PCDHGA4: variants seen among roughly 807,000 people sequenced by gnomAD.
The protein encoded by PCDHGA4 is protocadherin gamma subfamily A, 4.
PCDHGA4 carries 38 observed loss-of-function variants against 54.6 expected under a neutral mutation model. The observed-to-expected ratio is 0.70, with a 90% CI of 0.54 to 0.91. The LOEUF (loss-of-function observed/expected upper bound fraction) is 0.91. PCDHGA4 is among the 40% of genes least tolerant of loss of function. The pLI is 0.00. For missense variants in PCDHGA4, 1,298 were observed against 1,220.9 expected, an observed-to-expected ratio of 1.06 and a Z score of -0.94; for synonymous variants, 511 against 512.9, an observed-to-expected ratio of 1.00 and a Z score of 0.05.
In PCDHGA4 at chr5:141,430,673, C is replaced by T. The variant is rs183365013; in HGVS notation, c.2515-64134C>T. 1.5e-4 allele frequency: 198 copies of T among 1,288,318 alleles called. 2 individuals are homozygous for T. In the African/African-American group the frequency reaches 2.8e-3, roughly 18 times the overall value. The allele number at this position is 1,288,318 out of a possible 1,614,324, so 79.8% of individuals were successfully genotyped here. On this transcript the variant is annotated intron_variant, in intron 1 of 3. Coordinates refer to ENST00000571252, the MANE Select transcript of PCDHGA4 (RefSeq NM_018917.4). Reference sequence around the variant, plus strand: ...AAACAACGGAGGAGCTCTGACTTCCCAACTGTCCCATTCTATGGGCGAAGG... The same window carrying T: ...AAACAACGGAGGAGCTCTGACTTCCTAACTGTCCCATTCTATGGGCGAAGG...
chr5:141,375,522 A>C, intron 1 of PCDHGA4: 1 of 1,614,010 alleles, frequency 6.2e-7, no homozygotes, highest in Non-Finnish European at 8.5e-7. Flanking sequence ...CTGGACCCTG[A>C]CGTGGACCAG....
At chr5:141,398,916 A>G (rs2150766485) in intron 1 of PCDHGA4, 1 of 1,614,022 alleles carries the variant, frequency 6.2e-7, no homozygotes, top group Non-Finnish European at 8.5e-7. Context: ...CTGTGTTGCA[A>G]GTGTCAGCCA....
intron 1 of PCDHGA4, chr5:141,372,218 T>G: frequency 3.1e-6 from 5 of 1,613,544 alleles, no homozygotes; most frequent in Non-Finnish European, 4.2e-6. Context: ...CCTACCACAT[T>G]GTGCAGGCCA....
At chr5:141,361,833 G>T (rs376471858) in intron 1 of PCDHGA4, 4 of 1,612,898 alleles carry the variant, frequency 2.5e-6, no homozygotes, top group Non-Finnish European at 3.4e-6. Context: ...TGTACCCCGC[G>T]CTGGGGCCTG....
At chr5:141,394,797 G>A (rs551668843) in intron 1 of PCDHGA4, 2 of 1,613,798 alleles carry the variant, frequency 1.2e-6, no homozygotes, top group Admixed American at 1.7e-5. Flanking sequence ...CACGCTCACC[G>A]TAGCCGTGGC....
At chr5:141,372,067 A>G (rs1209515606) in intron 1 of PCDHGA4, 2 of 1,613,450 alleles carry the variant, frequency 1.2e-6, no homozygotes, top group Admixed American at 1.7e-5. Flanking sequence ...CGCAACGACA[A>G]TGCACCGCTG....
chr5:141,371,971 G>C, intron 1 of PCDHGA4: 1 of 1,612,438 alleles, frequency 6.2e-7, no homozygotes, highest in Non-Finnish European at 8.5e-7. Flanking sequence ...GAGCAGCTGC[G>C]TGCCTTCGAG....
In PCDHGA4 at chr5:141,476,132, T is replaced by C. The variant is rs751708569; in HGVS notation, c.2515-18675T>C. 2 of 1,607,820 alleles carry C rather than the reference T, an allele frequency of 1.2e-6. No homozygotes were observed. The highest frequency in any genetic ancestry group is 1.1e-5 in the South Asian group (1 of 90,582). On this transcript the variant is annotated intron_variant, in intron 1 of 3. Coordinates refer to ENST00000571252, the MANE Select transcript of PCDHGA4 (RefSeq NM_018917.4). The surrounding 1 kb of genome is among the most constrained non-coding windows in gnomAD (Gnocchi z 7.6). ...TTTGAGTGAGATGGTCCCAGAGGCC[T>C]GGAGGAGCGGACTGGTAAGCACCGG...
At chr5:141,374,927 G>A (rs754203986) in intron 1 of PCDHGA4, 1 of 1,613,960 alleles carries the variant, frequency 6.2e-7, no homozygotes, top group Non-Finnish European at 8.5e-7. Flanking sequence ...TTATTCCTTT[G>A]TGAAGATTAC....
Position 141,409,216 on chromosome 5 carries a change from T to G in PCDHGA4, c.2514+51595T>G, listed in dbSNP as rs368791778. 9.9e-6 allele frequency: 16 copies of G among 1,613,886 alleles called. No individual in the cohort carries two copies. The African/African-American group carries it at 1.1e-4, about 11-fold the overall frequency. ...AGTGTAAAGTAATCATAGAAATCCT[T>G]GATGAAAACGACAACAGCCCAGAAA... is the stretch of plus-strand genomic sequence containing the variant. On this transcript the variant is annotated intron_variant, in intron 1 of 3. Coordinates refer to ENST00000571252, the MANE Select transcript of PCDHGA4 (RefSeq NM_018917.4).
chr5:141,477,629 C>T lies in PCDHGA4; in HGVS notation c.2515-17178C>T, dbSNP rs1191573380. 6.2e-7 allele frequency: 1 copy of T among 1,614,158 alleles called. No homozygotes were observed. Reference sequence around the variant, plus strand: ...CTTGGAGCAAGGAGCTGAAACCGGGCTAGTGGGTCGCTATTTCACAATAAA... The same window carrying T: ...CTTGGAGCAAGGAGCTGAAACCGGGTTAGTGGGTCGCTATTTCACAATAAA... On this transcript the variant is annotated intron_variant, in intron 1 of 3. Coordinates refer to ENST00000571252, the MANE Select transcript of PCDHGA4 (RefSeq NM_018917.4). The surrounding 1 kb of genome is among the most constrained non-coding windows in gnomAD (Gnocchi z 4.9).
Position 141,458,000 on chromosome 5 carries a change from A to G in PCDHGA4, c.2515-36807A>G, listed in dbSNP as rs1047291886. ...CACCCTTTCAGTTAAAGCCTTGGCA[A>G]AATAACCGGTTTTTCCAATTGTGTT... On this transcript the variant is annotated intron_variant, in intron 1 of 3. Coordinates refer to ENST00000571252, the MANE Select transcript of PCDHGA4 (RefSeq NM_018917.4). Among the ~76,000 whole-genome samples, 4 of 152,214 alleles carry G rather than the reference A, an allele frequency of 2.6e-5. No homozygotes were observed. In the East Asian group the frequency reaches 5.8e-4, roughly 22 times the overall value.
intron 1 of PCDHGA4, chr5:141,430,668 C>T (rs538633559): frequency 1.6e-6 from 2 of 1,243,872 alleles, no homozygotes; most frequent in East Asian, 2.5e-5. Context: ...GGAGCTCTGA[C>T]TTCCCAACTG....
In PCDHGA4 at chr5:141,432,510, C is replaced by A; in HGVS notation, c.2515-62297C>A. 1 of 1,614,140 alleles carries A rather than the reference C, an allele frequency of 6.2e-7. No homozygotes were observed. The highest frequency in any genetic ancestry group is 8.5e-7 in the Non-Finnish European group (1 of 1,180,042). On this transcript the variant is annotated intron_variant, in intron 1 of 3. Coordinates refer to ENST00000571252, the MANE Select transcript of PCDHGA4 (RefSeq NM_018917.4). The surrounding 1 kb of genome is among the most constrained non-coding windows in gnomAD (Gnocchi z 6.0). ...GAGCTGGCTCCCCGCTCCGCAGAGCCCGGCTACCTGGTGACCAAGGTGGTG... is the reference window on the plus strand; with the variant it reads ...GAGCTGGCTCCCCGCTCCGCAGAGCACGGCTACCTGGTGACCAAGGTGGTG...
rs144113016 is a variant in PCDHGA4 at position 141,428,135 on chromosome 5, G to T, written c.2515-66672G>T. On this transcript the variant is annotated intron_variant, in intron 1 of 3. Coordinates refer to ENST00000571252, the MANE Select transcript of PCDHGA4 (RefSeq NM_018917.4). Reference sequence around the variant, plus strand: ...CCATCGAGCCCGGGCTTTTCAGCCTGGGGCTGCACACGGGAACCTGCTGGT... The same window carrying T: ...CCATCGAGCCCGGGCTTTTCAGCCTTGGGCTGCACACGGGAACCTGCTGGT... 347 of 1,601,046 alleles carry T rather than the reference G, an allele frequency of 2.2e-4. No homozygotes were observed. The African/African-American group carries it at 3.9e-3, about 18-fold the overall frequency.
chr5:141,478,384 T>G, intron 1 of PCDHGA4: 1 of 1,613,658 alleles, frequency 6.2e-7, no homozygotes, highest in South Asian at 1.1e-5. Context: ...CGCCGCACCT[T>G]TACCATCAGG....
intron 1 of PCDHGA4, chr5:141,373,960 G>A: frequency 1.1e-6 from 1 of 939,502 alleles, no homozygotes; most frequent in African/African-American, 1.7e-5. Flanking sequence ...ATTCTGACCT[G>A]AAACGCTTCG....
intron 1 of PCDHGA4, chr5:141,398,744 G>C (rs1561665852): frequency 1.2e-6 from 2 of 1,613,854 alleles, no homozygotes; most frequent in East Asian, 4.5e-5. Flanking sequence ...GAACAACAGA[G>C]TTACCATCGT....
intron 1 of PCDHGA4, chr5:141,422,639 C>T (rs777330051): frequency 3.7e-6 from 6 of 1,612,780 alleles, no homozygotes; most frequent in South Asian, 2.2e-5. Flanking sequence ...AGGGGTGCCT[C>T]CATCTTCTCA....
Sources: gnomAD v4.1 joint callset for allele counts (sites outside exome capture counted in the v4.1 genomes callset) on GRCh38, gnomAD v4.1.1 for gene constraint, Gnocchi (gnomAD v3.1) non-coding constraint, MANE v1.5 for transcripts, NCBI Gene and HGNC (gene_info 2026-07-23, HGNC 2026-07-21) for gene names.